TMEM178B: variants seen among roughly 807,000 people sequenced by gnomAD.
TMEM178B encodes transmembrane protein 178B.
Under a neutral mutation model 31.0 loss-of-function variants are expected in TMEM178B, and 5 were observed. The observed-to-expected ratio is 0.16, with a 90% CI of 0.08 to 0.34. The LOEUF (loss-of-function observed/expected upper bound fraction) is 0.34, where lower values mean the gene tolerates loss of function less well. Among genes scored for constraint, TMEM178B ranks in the 10% least tolerant of loss-of-function variants. The pLI, the probability that TMEM178B is intolerant of heterozygous loss-of-function variation, is 1.00. For missense variants in TMEM178B, 275 were observed against 400.3 expected (o/e 0.69, Z 2.67); for synonymous variants, 164 against 164.0 (o/e 1.00, Z 0.00).
At chr7:141,260,057 T>C (rs1797987711) in intron 2 of TMEM178B, among the ~76,000 whole-genome samples, 1 of 152,156 alleles carries the variant, frequency 6.6e-6, no homozygotes, top group African/African-American at 2.4e-5. Context: ...GACCCCGATG[T>C]TTTATTTTCT....
At chr7:141,488,967 GGGAGGAGGA>G in the TMEM178B span, among the ~76,000 whole-genome samples, 9 of 151,600 alleles carry the variant, frequency 5.9e-5, no homozygotes, top group Admixed American at 5.3e-4. Context: ...AGAAGGAGGA[GGGAGGAGGA>G]GGAGGAGGAG....
chr7:141,324,423 T>TTTG (rs1563151652), intron 2 of TMEM178B, among the ~76,000 whole-genome samples: 5 of 48,712 alleles, frequency 1.0e-4, no homozygotes, highest in Non-Finnish European at 2.2e-4. Context: ...AGGGTTTTTT[T>TTTG]TTTTTTTTTT....
rs576927846 is a variant in TMEM178B, at chr7:141,423,618, C to T, written c.497-13990C>T. Among the ~76,000 whole-genome samples, 12 of 152,228 alleles carry T rather than the reference C, an allele frequency of 7.9e-5. No homozygotes were observed. The South Asian group carries it at 1.7e-3, about 21-fold the overall frequency. On this transcript the variant is annotated intron_variant, in intron 2 of 3. Coordinates refer to ENST00000565468, the MANE Select transcript of TMEM178B (RefSeq NM_001195278.2). ...AACTAAGAGTTTGTGACATATACAA[C>T]GCTTTCCAACCAGGATGTGCAGAAT...
At chr7:141,436,373 C>T (rs1048994492) in intron 2 of TMEM178B, among the ~76,000 whole-genome samples, 1 of 152,082 alleles carries the variant, frequency 6.6e-6, no homozygotes, top group Admixed American at 6.5e-5. Flanking sequence ...AGAGGGACGC[C>T]CAAGGATCCT....
intron 2 of TMEM178B, among the ~76,000 whole-genome samples, chr7:141,260,668 A>C (rs1797999270): frequency 1.3e-5 from 2 of 152,262 alleles, no homozygotes; most frequent in Non-Finnish European, 2.9e-5. Flanking sequence ...TGCATCTTCT[A>C]GAAGTTTCTA....
intron 2 of TMEM178B, among the ~76,000 whole-genome samples, chr7:141,393,958 A>G (rs940154509): frequency 1.1e-4 from 17 of 151,270 alleles, no homozygotes; most frequent in South Asian, 2.1e-4. Flanking sequence ...TTTGATGTTT[A>G]CCCTCCATTA....
At chr7:141,354,208 T>C (rs1226006087) in intron 2 of TMEM178B, among the ~76,000 whole-genome samples, 1 of 152,222 alleles carries the variant, frequency 6.6e-6, no homozygotes, top group African/African-American at 2.4e-5. Context: ...TAGCAATATA[T>C]ATGATTTGAG....
chr7:141,504,814 C>A, the TMEM178B span, among the ~76,000 whole-genome samples: 1,998 of 152,302 alleles, frequency 0.013, 38 homozygotes, highest in African/African-American at 0.046. Flanking sequence ...TTGTACCCAA[C>A]AAAACAATCT....
chr7:141,219,752 A>G (rs1459973389), intron 2 of TMEM178B, among the ~76,000 whole-genome samples: 1 of 152,030 alleles, frequency 6.6e-6, no homozygotes, highest in East Asian at 1.9e-4. Flanking sequence ...CCTTAATGTG[A>G]TATTGCACCA....
At chr7:141,086,314 T>C (rs1166722138) in intron 1 of TMEM178B, among the ~76,000 whole-genome samples, 2 of 152,234 alleles carry the variant, frequency 1.3e-5, no homozygotes, top group Non-Finnish European at 2.9e-5. Context: ...ATTACAGGCA[T>C]GAGCCATCAT....
In TMEM178B at chr7:141,459,319, C is replaced by T. The variant is rs536150052; in HGVS notation, c.635-11217C>T. On this transcript the variant is annotated intron_variant, in intron 3 of 3. Transcript: ENST00000565468. ...CTGGGATTACAGGTGTGAGCCACCA[C>T]GCCCGGCCAATGTTCATATTTTTAG... Among the ~76,000 whole-genome samples, 245 of 152,268 alleles carry T rather than the reference C, an allele frequency of 1.6e-3. 2 individuals are homozygous for T. Among genetic ancestry groups the T allele is most frequent in the African/African-American group, 5.7e-3 (238 of 41,552 alleles).
chr7:141,090,229 C>T (rs966324426), intron 1 of TMEM178B, among the ~76,000 whole-genome samples: 5 of 152,074 alleles, frequency 3.3e-5, no homozygotes, highest in Middle Eastern at 3.4e-3. Context: ...TCTGTGGCCC[C>T]GGCTGGAGTG....
chr7:141,282,631 A>G (rs1031305596), intron 2 of TMEM178B, among the ~76,000 whole-genome samples: 3 of 152,234 alleles, frequency 2.0e-5, no homozygotes. Context: ...GGTAGTTTAC[A>G]ACACCAATTT....
At chr7:141,115,384 A>G (rs1795302734) in intron 1 of TMEM178B, among the ~76,000 whole-genome samples, 1 of 151,624 alleles carries the variant, frequency 6.6e-6, no homozygotes, top group Admixed American at 6.6e-5. Flanking sequence ...GACAGAGGGG[A>G]CTCCAGTGTT....
At chr7:141,404,262 G>T (rs569629001) in intron 2 of TMEM178B, among the ~76,000 whole-genome samples, 5 of 152,322 alleles carry the variant, frequency 3.3e-5, no homozygotes, top group African/African-American at 9.6e-5. Context: ...CCGAGATCAT[G>T]CTACTGCACT....
intron 3 of TMEM178B, among the ~76,000 whole-genome samples, chr7:141,444,993 G>A (rs929257166): frequency 1.3e-5 from 2 of 152,070 alleles, no homozygotes; most frequent in African/African-American, 2.4e-5. Flanking sequence ...AGGAGACCGC[G>A]GCCAGAACCA....
At chr7:141,338,084 A>G (rs1253356379) in intron 2 of TMEM178B, among the ~76,000 whole-genome samples, 4 of 152,120 alleles carry the variant, frequency 2.6e-5, no homozygotes, top group East Asian at 1.9e-4. Context: ...TGATGCACCC[A>G]CCTCGGCCTC....
intron 1 of TMEM178B, among the ~76,000 whole-genome samples, chr7:141,124,197 T>C (rs1280620926): frequency 6.6e-6 from 1 of 152,086 alleles, no homozygotes; most frequent in Non-Finnish European, 1.5e-5. Context: ...CCAAACCCTG[T>C]CTCTACTAAA....
At position 141,074,519 on chromosome 7, in the gene TMEM178B, C is replaced by T; in HGVS notation, c.209C>T (p.Ser70Leu). The T allele has an allele frequency of 1.3e-6, 2 of 1,535,992 alleles. No homozygotes were observed. The highest frequency in any genetic ancestry group is 4.9e-5 in the East Asian group (2 of 40,906). Residue 70 changes from serine to leucine, a missense_variant, in exon 1 of 4, where the codon TCG becomes TTG. By Grantham distance (145) the Ser-to-Leu change is moderately radical. Coordinates refer to ENST00000565468, the MANE Select transcript of TMEM178B (RefSeq NM_001195278.2). The surrounding 1 kb of genome is among the most constrained non-coding windows in gnomAD (Gnocchi z 5.1). Reference sequence around the variant, plus strand: ...AACTTGCCGCTCCGGGCGAGCCGCTCGCGCCTGGACCGCTGGGAGGGCAAA... The same window carrying T: ...AACTTGCCGCTCCGGGCGAGCCGCTTGCGCCTGGACCGCTGGGAGGGCAAA... Reference protein sequence around the residue: ...NNNLPLRASRSRLDRWEGKLL... With the variant: ...NNNLPLRASRLRLDRWEGKLL...
Sources: gnomAD v4.1 joint callset for allele counts (sites outside exome capture counted in the v4.1 genomes callset) on GRCh38, gnomAD v4.1.1 for gene constraint, Gnocchi (gnomAD v3.1) non-coding constraint, MANE v1.5 for transcripts, NCBI Gene and HGNC (gene_info 2026-07-23, HGNC 2026-07-21) for gene names.